VEGFC: variants seen among roughly 807,000 people sequenced by gnomAD.
VEGFC encodes FLT4 ligand DHM.
VEGFC carries 12 observed loss-of-function variants against 46.1 expected under a neutral mutation model. The ratio of observed to expected loss-of-function variants is 0.26; its 90% CI spans 0.17 to 0.42. The LOEUF (loss-of-function observed/expected upper bound fraction) is 0.42. Ranked by LOEUF, VEGFC falls within the 10% of genes least tolerant of loss-of-function variation. The pLI, the probability that VEGFC is intolerant of heterozygous loss-of-function variation, is 1.00. For missense variants in VEGFC, 488 were observed against 529.4 expected, an observed-to-expected ratio of 0.92 and a Z score of 0.77; for synonymous variants, 232 against 195.5, an observed-to-expected ratio of 1.19 and a Z score of -1.56.
intron 1 of VEGFC, among the ~76,000 whole-genome samples, chr4:176,731,190 G>T (rs1385889475): frequency 6.6e-6 from 1 of 151,962 alleles, no homozygotes; most frequent in East Asian, 1.9e-4. Flanking sequence ...TAGTTTAAAT[G>T]AAAGTTACAA....
chr4:176,711,939 C>T (rs1356812628), intron 3 of VEGFC, among the ~76,000 whole-genome samples: 4 of 151,896 alleles, frequency 2.6e-5, no homozygotes, highest in Non-Finnish European at 1.5e-5. Flanking sequence ...CGTGACAGAA[C>T]AATGTGTTCA....
intron 4 of VEGFC, among the ~76,000 whole-genome samples, chr4:176,692,414 AC>A (rs1560934831): frequency 7.6e-6 from 1 of 131,870 alleles, no homozygotes; most frequent in African/African-American, 3.8e-5. Flanking sequence ...AAACAAACAA[AC>A]AAAAAAAAAA....
At chr4:176,746,392 A>G (rs1735258419) in intron 1 of VEGFC, among the ~76,000 whole-genome samples, 1 of 152,058 alleles carries the variant, frequency 6.6e-6, no homozygotes, top group African/African-American at 2.4e-5. Context: ...AAGATGTGAA[A>G]TCCCACTGAT....
intron 1 of VEGFC, among the ~76,000 whole-genome samples, chr4:176,762,935 A>G (rs1735555745): frequency 6.6e-6 from 1 of 152,220 alleles, no homozygotes; most frequent in Non-Finnish European, 1.5e-5. Context: ...GTGTCCTCTC[A>G]ATATAAGGGC....
intron 3 of VEGFC, among the ~76,000 whole-genome samples, chr4:176,718,105 G>T (rs1386015886): frequency 6.6e-6 from 1 of 152,088 alleles, no homozygotes; most frequent in Non-Finnish European, 1.5e-5. Context: ...GAAAAAAGTG[G>T]TATTTTTCAC....
chr4:176,748,047 T>C (rs1735285369), intron 1 of VEGFC, among the ~76,000 whole-genome samples: 1 of 152,056 alleles, frequency 6.6e-6, no homozygotes, highest in Non-Finnish European at 1.5e-5. Flanking sequence ...AAAATATACC[T>C]TGAGGCATTC....
chr4:176,690,754 T>C (rs1258532312), intron 4 of VEGFC, among the ~76,000 whole-genome samples: 6 of 151,152 alleles, frequency 4.0e-5, no homozygotes, highest in Non-Finnish European at 7.4e-5. Context: ...CTTCTATAAA[T>C]GATGGTAAAA....
At chr4:176,697,842 G>A (rs1734349055) in intron 4 of VEGFC, among the ~76,000 whole-genome samples, 1 of 150,110 alleles carries the variant, frequency 6.7e-6, no homozygotes, top group African/African-American at 2.5e-5. Context: ...GTAGGGACAT[G>A]GATGAAATTG....
At chr4:176,720,175 A>G (rs1734759715) in intron 3 of VEGFC, among the ~76,000 whole-genome samples, 2 of 152,184 alleles carry the variant, frequency 1.3e-5, no homozygotes, top group Admixed American at 1.3e-4. Flanking sequence ...CTAATGATGA[A>G]TGTTGGCTTT....
At chr4:176,713,909 T>C (rs1477333472) in intron 3 of VEGFC, among the ~76,000 whole-genome samples, 1 of 152,112 alleles carries the variant, frequency 6.6e-6, no homozygotes, top group African/African-American at 2.4e-5. Flanking sequence ...AAGTCAAATG[T>C]AACAAGAATT....
At chr4:176,740,414 A>AACTATATAT (rs1560951800) in intron 1 of VEGFC, among the ~76,000 whole-genome samples, 1 of 93,528 alleles carries the variant, frequency 1.1e-5, no homozygotes, top group African/African-American at 4.1e-5. Flanking sequence ...AGTTATATAT[A>AACTATATAT]TTCTATATAT....
intron 1 of VEGFC, among the ~76,000 whole-genome samples, chr4:176,736,217 A>G (rs945575864): frequency 6.6e-6 from 1 of 151,898 alleles, no homozygotes; most frequent in African/African-American, 2.4e-5. Context: ...ACTGTTTCTT[A>G]AAGTTCCCCC....
chr4:176,727,729 C>T (rs1391642207), intron 3 of VEGFC, 49 bp downstream of exon 3: 1 of 1,542,882 alleles, frequency 6.5e-7, no homozygotes, highest in South Asian at 1.3e-5. Flanking sequence ...AAAGTTAAAG[C>T]TTCTGATTAA....
At chr4:176,724,082 G>A (rs186605659) in intron 3 of VEGFC, among the ~76,000 whole-genome samples, 8 of 152,232 alleles carry the variant, frequency 5.3e-5, no homozygotes, top group African/African-American at 1.9e-4. Flanking sequence ...TCCAGAAACA[G>A]ATATTTTTTA....
chr4:176,689,035 G>T (rs1734099090), intron 4 of VEGFC, among the ~76,000 whole-genome samples: 2 of 152,042 alleles, frequency 1.3e-5, no homozygotes. Flanking sequence ...AAGGATTTTT[G>T]GTTTTAAATA....
At chr4:176,742,958 A>G (rs1735201323) in intron 1 of VEGFC, among the ~76,000 whole-genome samples, 1 of 152,050 alleles carries the variant, frequency 6.6e-6, no homozygotes, top group Admixed American at 6.6e-5. Context: ...TATTACGGAA[A>G]TATTACAATG....
intron 1 of VEGFC, among the ~76,000 whole-genome samples, chr4:176,756,902 G>A (rs909378154): frequency 2.0e-5 from 3 of 152,072 alleles, no homozygotes; most frequent in Non-Finnish European, 4.4e-5. Flanking sequence ...CAGAGGAAGA[G>A]AAGCTTTTTG....
At chr4:176,712,136 T>C (rs1734630605) in intron 3 of VEGFC, among the ~76,000 whole-genome samples, 1 of 152,170 alleles carries the variant, frequency 6.6e-6, no homozygotes, top group African/African-American at 2.4e-5. Flanking sequence ...GTAAGTTACA[T>C]AGATGTAAAG....
At chr4:176,687,745 G>C (rs1031982022) in intron 5 of VEGFC, 76 bp downstream of exon 5, 2 of 1,108,158 alleles carry the variant, frequency 1.8e-6, no homozygotes, top group South Asian at 1.5e-5. Flanking sequence ...TATTATATGT[G>C]TGGTTTTAAT....
Sources: allele counts gnomAD v4.1 joint callset (sites outside exome capture counted in the v4.1 genomes callset), GRCh38; gene constraint gnomAD v4.1.1; transcripts MANE v1.5; gene names NCBI Gene and HGNC (gene_info 2026-07-23, HGNC 2026-07-21).